TOPAZ1: variants seen among roughly 807,000 people sequenced by gnomAD.
TOPAZ1 encodes the protein testis and ovary specific TOPAZ 1.
A neutral mutation model predicts 172.2 loss-of-function variants in TOPAZ1; 66 were observed. The observed-to-expected ratio is 0.38, with a 90% CI of 0.31 to 0.47. TOPAZ1 has a LOEUF of 0.47. Ranked by LOEUF, TOPAZ1 falls within the 20% of genes least tolerant of loss-of-function variation. TOPAZ1 has a pLI of 0.99. For synonymous variants in TOPAZ1, 681 were observed against 683.9 expected, an observed-to-expected ratio of 1.00 and a Z score of 0.07; for missense variants, 1,822 against 1,972.4, an observed-to-expected ratio of 0.92 and a Z score of 1.44.
chr3:44,314,954 C>G (rs924208056), intron 16 of TOPAZ1, among the ~76,000 whole-genome samples: 4 of 152,228 alleles, frequency 2.6e-5, no homozygotes, highest in Non-Finnish European at 4.4e-5. Flanking sequence ...TGTTCCTAAA[C>G]CATACCCCCT....
In TOPAZ1 at chr3:44,282,004, A is replaced by T; in HGVS notation, c.3409A>T (p.Asn1137Tyr). Residue 1137 changes from asparagine (N) to tyrosine (Y), a missense_variant, in exon 9 of 20, where the codon AAT (asparagine) becomes TAT (tyrosine). By Grantham distance (143) the Asn-to-Tyr change is moderately radical. Around this residue, in one of 2 missense-constraint regions of TOPAZ1, gnomAD observed 1,489 missense variants for 1,490.8 expected, o/e 1.00. Coordinates refer to ENST00000309765, the MANE Select transcript of TOPAZ1 (RefSeq NM_001145030.2). ...MDVFKKYININELCLLQRAVN... is the reference protein window; with the variant it reads ...MDVFKKYINIYELCLLQRAVN... ...TGTGTTTAAGAAATATATAAATATCAATGAACTGTGTTTGCTACAGCGTGC... is the reference window on the plus strand; with the variant it reads ...TGTGTTTAAGAAATATATAAATATCTATGAACTGTGTTTGCTACAGCGTGC... 6.5e-7 allele frequency: 1 copy of T among 1,548,054 alleles called. No individual in the cohort carries two copies. Among genetic ancestry groups the T allele is most frequent in the East Asian group, 2.5e-5 (1 of 40,774 alleles).
At chr3:44,321,257 A>G (rs975866926) in intron 17 of TOPAZ1, 66 bp downstream of exon 17, 1 of 1,130,302 alleles carries the variant, frequency 8.8e-7, no homozygotes, top group African/African-American at 1.6e-5. Flanking sequence ...TTAATAAGAA[A>G]TAGTTATCCA....
intron 4 of TOPAZ1, among the ~76,000 whole-genome samples, chr3:44,260,588 T>G (rs1419789430): frequency 6.6e-6 from 1 of 152,092 alleles, no homozygotes; most frequent in African/African-American, 2.4e-5. Flanking sequence ...TAACTTTTCC[T>G]TATTTTAGCA....
At position 44,269,306 on chromosome 3, in the gene TOPAZ1, G is replaced by C. The variant is rs949582074; in HGVS notation, c.3246+5G>C. 1.9e-5 allele frequency: 28 copies of C among 1,512,766 alleles called. No homozygotes were observed. The highest frequency in any genetic ancestry group is 2.4e-5 in the Non-Finnish European group (27 of 1,112,004). 93.7% of individuals were successfully genotyped at this position (1,512,766 alleles called of 1,614,324 possible). On this transcript the variant is annotated splice_donor_5th_base_variant and intron_variant, in intron 7 of 19. Transcript: ENST00000309765. Reference sequence around the variant, plus strand: ...AAGAGGGAAAAAAATGTGGGGGTAAGTCTACTTTAAAAAATAATAATAATC... The same window carrying C: ...AAGAGGGAAAAAAATGTGGGGGTAACTCTACTTTAAAAAATAATAATAATC...
intron 16 of TOPAZ1, among the ~76,000 whole-genome samples, chr3:44,319,252 C>T (rs973995868): frequency 6.6e-5 from 10 of 152,120 alleles, no homozygotes; most frequent in African/African-American, 2.4e-4. Context: ...AAAACAAAAA[C>T]CCAGACAGGG....
chr3:44,244,552 A>G lies in TOPAZ1; in HGVS notation c.2046A>G (p.Gly682=), dbSNP rs759218344. The G allele has an allele frequency of 3.2e-5, 50 of 1,549,884 alleles. 1 individual carries two copies. In the South Asian group the frequency reaches 5.8e-4, roughly 18 times the overall value. ...VPDLVKILNT[G]RLTNFKIPLL... ...ACTTGGTTAAAATATTGAACACAGG[A>G]CGGCTGACTAATTTTAAAATTCCTT... The change falls in exon 2 of 20, where the codon GGA becomes GGG. Residue 682 remains glycine (G), a synonymous_variant. Coordinates refer to ENST00000309765, the MANE Select transcript of TOPAZ1 (RefSeq NM_001145030.2).
chr3:44,244,526 G>T lies in TOPAZ1; in HGVS notation c.2020G>T (p.Asp674Tyr). ...CIAQQTFIVP[D>Y]LVKILNTGRL... is the part of the protein sequence containing the mutation. Reference sequence around the variant, plus strand: ...TGCTCAACAAACATTTATAGTTCCAGACTTGGTTAAAATATTGAACACAGG... The same window carrying T: ...TGCTCAACAAACATTTATAGTTCCATACTTGGTTAAAATATTGAACACAGG... The change falls in exon 2 of 20, where the codon GAC becomes TAC. Residue 674 changes from aspartate (D) to tyrosine (Y), a missense_variant. Around this residue, in one of 2 missense-constraint regions of TOPAZ1, gnomAD observed 1,489 missense variants for 1,490.8 expected, o/e 1.00. Transcript: ENST00000309765. 6.4e-7 allele frequency: 1 copy of T among 1,551,200 alleles called. No individual in the cohort carries two copies. Among genetic ancestry groups the T allele is most frequent in the South Asian group, 1.2e-5 (1 of 83,792 alleles).
chr3:44,297,747 A>AT (rs914711024), intron 12 of TOPAZ1, among the ~76,000 whole-genome samples: 6 of 113,830 alleles, frequency 5.3e-5, no homozygotes, highest in East Asian at 5.5e-4. Context: ...ATGTACCAAA[A>AT]TTTAAAAAAA....
In TOPAZ1 at chr3:44,243,910, G is replaced by A. The variant is rs2125675213; in HGVS notation, c.1404G>A (p.Arg468=). Residue 468 remains arginine, a synonymous_variant, in exon 2 of 20, where the codon CGG becomes CGA. Transcript: ENST00000309765. ...ACCATATTGAAAGGAGATCTTCACGGGAAGACTTAAGAAGTGCATCTGAAG... is the reference window on the plus strand; with the variant it reads ...ACCATATTGAAAGGAGATCTTCACGAGAAGACTTAAGAAGTGCATCTGAAG... ...NEYHIERRSS[R]EDLRSASEEL... 3.2e-6 allele frequency: 5 copies of A among 1,552,258 alleles called. No homozygotes were observed. The highest frequency in any genetic ancestry group is 2.6e-6 in the Non-Finnish European group (3 of 1,147,066).
intron 7 of TOPAZ1, among the ~76,000 whole-genome samples, chr3:44,270,462 A>G (rs143605857): frequency 6.6e-6 from 1 of 152,338 alleles, no homozygotes; most frequent in Non-Finnish European, 1.5e-5. Context: ...TTACACAAAG[A>G]TAAATTTTTT....
chr3:44,320,548 A>G (rs1700497065), intron 16 of TOPAZ1, among the ~76,000 whole-genome samples: 1 of 152,218 alleles, frequency 6.6e-6, no homozygotes, highest in Non-Finnish European at 1.5e-5. Flanking sequence ...CAGTGAGCCA[A>G]GATTGCGCCA....
intron 19 of TOPAZ1, among the ~76,000 whole-genome samples, chr3:44,330,294 C>A (rs1178313001): frequency 6.6e-6 from 1 of 152,124 alleles, no homozygotes; most frequent in Non-Finnish European, 1.5e-5. Flanking sequence ...TTTCTATTCC[C>A]CACACACATG....
At chr3:44,290,037 G>T (rs1405827077) in intron 11 of TOPAZ1, among the ~76,000 whole-genome samples, 1 of 152,108 alleles carries the variant, frequency 6.6e-6, no homozygotes, top group African/African-American at 2.4e-5. Context: ...TATTATGGAG[G>T]TATTGGAGGA....
In TOPAZ1 at chr3:44,332,025, C is replaced by CTT. The variant is rs58971114; in HGVS notation, c.*28_*29dup. The CTT allele has an allele frequency of 1.1e-3, 1,413 of 1,327,058 alleles. No homozygotes were observed. Among genetic ancestry groups the CTT allele is most frequent in the Non-Finnish European group, 1.2e-3 (1,187 of 990,724 alleles). 82.2% of individuals were successfully genotyped at this position (1,327,058 alleles called of 1,614,324 possible). A position where few individuals can be genotyped will look rare whatever the true frequency, so the allele number is the denominator to read the frequency against. ...AGTAACCATTAGCTAATAAAGTCTG[C>CTT]TTTTTTTTTTTTTTTAGTTCAAGTA... On this transcript the variant is annotated 3_prime_UTR_variant, in exon 20 of 20. Coordinates refer to ENST00000309765, the MANE Select transcript of TOPAZ1 (RefSeq NM_001145030.2).
intron 12 of TOPAZ1, among the ~76,000 whole-genome samples, chr3:44,299,573 A>G (rs1289890048): frequency 6.6e-6 from 1 of 152,054 alleles, no homozygotes; most frequent in Admixed American, 6.5e-5. Context: ...AACTAGAAAT[A>G]CCATTTGACC....
chr3:44,315,413 C>G (rs1010368637), intron 16 of TOPAZ1, among the ~76,000 whole-genome samples: 2 of 151,824 alleles, frequency 1.3e-5, no homozygotes, highest in African/African-American at 2.4e-5. Flanking sequence ...GTTGCCCAGG[C>G]TGGAGTGCAA....
chr3:44,319,703 C>A (rs947970240), intron 16 of TOPAZ1, among the ~76,000 whole-genome samples: 12 of 152,100 alleles, frequency 7.9e-5, no homozygotes, highest in African/African-American at 2.9e-4. Flanking sequence ...ATTCTTAAAG[C>A]ACTTAGAACA....
intron 5 of TOPAZ1, among the ~76,000 whole-genome samples, chr3:44,265,425 C>T (rs894731347): frequency 5.9e-5 from 9 of 152,062 alleles, no homozygotes; most frequent in Non-Finnish European, 1.0e-4. Flanking sequence ...GGCGTGGTGG[C>T]GGGCACTTGT....
chr3:44,321,662 G>A (rs1348210963), intron 17 of TOPAZ1, among the ~76,000 whole-genome samples: 1 of 152,146 alleles, frequency 6.6e-6, no homozygotes, highest in Non-Finnish European at 1.5e-5. Context: ...CAAAAGCTTT[G>A]GGTCAAGAAT....
Sources: allele counts gnomAD v4.1 joint callset (sites outside exome capture counted in the v4.1 genomes callset), GRCh38; gene constraint gnomAD v4.1.1; regional missense constraint gnomAD v4.1.1; transcripts MANE v1.5; gene names NCBI Gene and HGNC (gene_info 2026-07-23, HGNC 2026-07-21).